TMPRSS3: variants seen among roughly 807,000 people sequenced by gnomAD.
TMPRSS3 encodes transmembrane protease serine 3.
In TMPRSS3, 55 loss-of-function variants were observed where a neutral mutation model predicts 59.6. That is an observed-to-expected ratio of 0.92 (90% CI 0.74 to 1.16). The LOEUF (loss-of-function observed/expected upper bound fraction) is 1.16, where lower values mean the gene tolerates loss of function less well. Ranked by LOEUF, TMPRSS3 falls within the 50% of genes most tolerant of loss-of-function variation. The pLI is 0.00. For missense variants in TMPRSS3, 596 were observed against 579.4 expected, an observed-to-expected ratio of 1.03 and a Z score of -0.29; for synonymous variants, 257 against 237.7, an observed-to-expected ratio of 1.08 and a Z score of -0.75.
chr21:42,395,568 A>G (rs1011536982), intron 1 of TMPRSS3, 100 bp from the exon 2 acceptor site: 5 of 740,116 alleles, frequency 6.8e-6, no homozygotes, highest in Non-Finnish European at 1.2e-5. Context: ...TCGACAGTCC[A>G]CACAAAGCGC....
intron 12 of TMPRSS3, among the ~76,000 whole-genome samples, chr21:42,373,022 C>T (rs1568874009): frequency 6.6e-6 from 1 of 152,166 alleles, no homozygotes; most frequent in Admixed American, 6.5e-5. Context: ...CCGTCACTTC[C>T]GTAGGAAACT....
chr21:42,389,110 T>C (rs889816891), intron 3 of TMPRSS3, 65 bp from the exon 4 acceptor site: 198 of 1,604,368 alleles, frequency 1.2e-4, no homozygotes, highest in Non-Finnish European at 1.6e-4. Flanking sequence ...CTAACAACTG[T>C]CCCCCTGCCA....
rs1244966296 is a variant in TMPRSS3, at chr21:42,372,091, C to T, written c.*671G>A. 1 of 454,210 alleles carries T rather than the reference C, an allele frequency of 2.2e-6. No homozygotes were observed. The highest frequency in any genetic ancestry group is 2.3e-5 in the Admixed American group (1 of 42,556). 28.1% of individuals were successfully genotyped at this position (454,210 alleles called of 1,614,324 possible). ...AAAACGTGCAGTGACTGCAGTTCTG[C>T]ACTTCTGGGCTGGTGCGTCTTTTCT... is the stretch of plus-strand genomic sequence containing the variant. On this transcript the variant is annotated 3_prime_UTR_variant, in exon 13 of 13. Coordinates refer to ENST00000644384, the MANE Select transcript of TMPRSS3 (RefSeq NM_001256317.3).
At chr21:42,382,942 TCTGGACC>T in intron 8 of TMPRSS3, 84 bp downstream of exon 8, 1 of 1,517,614 alleles carries the variant, frequency 6.6e-7, no homozygotes, top group Non-Finnish European at 9.0e-7. Context: ...CTGTCTTCCC[TCTGGACC>T]CGCTTCTCAC....
rs537768966 is a variant in TMPRSS3 at position 42,372,644 on chromosome 21, G to A, written c.*118C>T. 145 of 1,043,210 alleles carry A rather than the reference G, an allele frequency of 1.4e-4. No homozygotes were observed. The highest frequency in any genetic ancestry group is 4.4e-4 in the Middle Eastern group (2 of 4,564). 64.6% of individuals were successfully genotyped at this position (1,043,210 alleles called of 1,614,324 possible). ...CTCTTTCGGGCCTGCTACTGGTGCC[G>A]GAACTCAGAGCTCCAAGGGTGTCTG... On this transcript the variant is annotated 3_prime_UTR_variant, in exon 13 of 13. Coordinates refer to ENST00000644384, the MANE Select transcript of TMPRSS3 (RefSeq NM_001256317.3).
intron 9 of TMPRSS3, 125 bp from the exon 10 acceptor site, chr21:42,380,337 G>A (rs1002524504): frequency 2.5e-5 from 20 of 803,504 alleles, no homozygotes; most frequent in Non-Finnish European, 4.0e-5. Flanking sequence ...TCAAGCCCTT[G>A]GTTACTTGAA....
At chr21:42,384,652 C>A (rs2052593704) in intron 6 of TMPRSS3, among the ~76,000 whole-genome samples, 1 of 152,204 alleles carries the variant, frequency 6.6e-6, no homozygotes, top group South Asian at 2.1e-4. Context: ...GATTTAGCAC[C>A]CAACACATGA....
At position 42,385,395 on chromosome 21, in the gene TMPRSS3, G is replaced by A. The variant is rs761566020; in HGVS notation, c.572+14C>T. The A allele has an allele frequency of 2.8e-5, 45 of 1,613,478 alleles. No individual in the cohort carries two copies. Among genetic ancestry groups the A allele is most frequent in the Admixed American group, 1.3e-4 (8 of 59,968 alleles). On this transcript the variant is annotated intron_variant, in intron 6 of 12. Transcript: ENST00000644384. ...CGATACCTGTGCAGACAACAGCATC[G>A]CCTGACCACCTACCTCACATATACT... is the stretch of plus-strand genomic sequence containing the variant.
intron 9 of TMPRSS3, 84 bp from the exon 10 acceptor site, chr21:42,380,296 G>A (rs2052504542): frequency 7.1e-6 from 8 of 1,124,074 alleles, no homozygotes; most frequent in Non-Finnish European, 5.3e-6. Context: ...TGCCTCTGAG[G>A]AGCCCAAACT....
chr21:42,388,377 T>A lies in TMPRSS3; in HGVS notation c.446+26A>T. ...TGTTATCCTCTCTGTGTTTTGCCCA[T>A]GGGTTGGAAATGCTCTTTAACTTAC... is the stretch of plus-strand genomic sequence containing the variant. On this transcript the variant is annotated intron_variant, in intron 5 of 12. Transcript: ENST00000644384. This position sits in a 1 kb window ranked among gnomAD's most constrained non-coding sequence, Gnocchi z 5.1. The A allele has an allele frequency of 2.5e-6, 4 of 1,614,218 alleles. No individual in the cohort carries two copies. In the East Asian group the frequency reaches 8.9e-5, roughly 36 times the overall value.
At chr21:42,390,360 T>C (rs1386986808) in intron 2 of TMPRSS3, 25 of 357,128 alleles carry the variant, frequency 7.0e-5, no homozygotes, top group Non-Finnish European at 1.4e-4. Flanking sequence ...GCCTGGAGAG[T>C]CTTTACAGAG....
intron 10 of TMPRSS3, among the ~76,000 whole-genome samples, chr21:42,377,597 G>C (rs777873463): frequency 3.3e-5 from 5 of 152,308 alleles, no homozygotes; most frequent in Admixed American, 3.3e-4. Context: ...CTTAATCCAC[G>C]TGCAGTGGGC....
rs186531 is a variant in TMPRSS3, at chr21:42,388,818, A to G, written c.322+111T>C. ...CAAACGCCAGTTCAATCCCAGCTGA[A>G]GACATGACCTAAAAATGGCAATGAC... On this transcript the variant is annotated intron_variant, in intron 4 of 12. Transcript: ENST00000644384. The surrounding 1 kb of genome is among the most constrained non-coding windows in gnomAD (Gnocchi z 5.1). 949,582 of 1,081,956 alleles carry G rather than the reference A, an allele frequency of 0.88. 418,751 individuals are homozygous for G. Among genetic ancestry groups the G allele is most frequent in the Middle Eastern group, 0.9 (3,153 of 3,500 alleles). The allele number at this position is 1,081,956 out of a possible 1,614,324, so 67.0% of individuals were successfully genotyped here.
chr21:42,385,309 C>T (rs776142983), intron 6 of TMPRSS3, 100 bp downstream of exon 6: 28 of 1,528,508 alleles, frequency 1.8e-5, no homozygotes, highest in Middle Eastern at 2.2e-4. Context: ...TGAGATAACA[C>T]ATGCATGCCT....
At chr21:42,383,351 C>T (rs1473940268) in intron 7 of TMPRSS3, 153 bp from the exon 8 acceptor site, 1 of 801,758 alleles carries the variant, frequency 1.2e-6, no homozygotes, top group Non-Finnish European at 2.0e-6. Flanking sequence ...CAAGGGGGAG[C>T]TCAGCAGGGG....
chr21:42,374,373 G>A (rs920629009), intron 12 of TMPRSS3, among the ~76,000 whole-genome samples: 4 of 152,244 alleles, frequency 2.6e-5, no homozygotes, highest in Non-Finnish European at 5.9e-5. Flanking sequence ...TCAGTCCCAG[G>A]CCTCACCCTG....
chr21:42,372,669 G>A lies in TMPRSS3; in HGVS notation c.*93C>T. On this transcript the variant is annotated 3_prime_UTR_variant, in exon 13 of 13. Transcript: ENST00000644384. ...GGAACTCAGAGCTCCAAGGGTGTCT[G>A]CTCGTGTGCAGGTTCCTACACGGGA... The A allele has an allele frequency of 7.5e-7, 1 of 1,342,094 alleles. No homozygotes were observed. Among genetic ancestry groups the A allele is most frequent in the Non-Finnish European group, 1.1e-6 (1 of 932,376 alleles). 83.1% of individuals were successfully genotyped at this position (1,342,094 alleles called of 1,614,324 possible).
intron 2 of TMPRSS3, among the ~76,000 whole-genome samples, chr21:42,392,569 A>G (rs2146457066): frequency 6.6e-6 from 1 of 152,156 alleles, no homozygotes; most frequent in African/African-American, 2.4e-5. Flanking sequence ...AGATGAATGA[A>G]TGACATCATG....
At chr21:42,374,235 C>T (rs1019123433) in intron 12 of TMPRSS3, among the ~76,000 whole-genome samples, 1 of 152,230 alleles carries the variant, frequency 6.6e-6, no homozygotes, top group African/African-American at 2.4e-5. Flanking sequence ...TGGGGCCAGG[C>T]TGCCTCTCCC....
Sources: gnomAD v4.1 joint callset for allele counts (sites outside exome capture counted in the v4.1 genomes callset) on GRCh38, gnomAD v4.1.1 for gene constraint, Gnocchi (gnomAD v3.1) non-coding constraint, MANE v1.5 for transcripts, NCBI Gene and HGNC (gene_info 2026-07-23, HGNC 2026-07-21) for gene names.